ANKRD17: variants seen among roughly 807,000 people sequenced by gnomAD.
ANKRD17 encodes the protein ankyrin repeat domain 17, also known as ankyrin repeat domain-containing protein 17.
ANKRD17 carries 19 observed loss-of-function variants against 229.7 expected under a neutral mutation model. The observed-to-expected ratio is 0.08, with a 90% CI of 0.06 to 0.12. ANKRD17 has a LOEUF of 0.12. Ranked by LOEUF, ANKRD17 falls within the 10% of genes least tolerant of loss-of-function variation. The pLI, the probability that ANKRD17 is intolerant of heterozygous loss-of-function variation, is 1.00. For synonymous variants in ANKRD17, 1,112 were observed against 1,146.1 expected, an observed-to-expected ratio of 0.97 and a Z score of 0.60; for missense variants, 2,176 against 3,176.8, an observed-to-expected ratio of 0.68 and a Z score of 7.57.
In ANKRD17 at chr4:73,091,216, G is replaced by A. The variant is rs201864802; in HGVS notation, c.6412C>T (p.Pro2138Ser). The A allele has an allele frequency of 2.7e-5, 43 of 1,614,088 alleles. No individual in the cohort carries two copies. Among genetic ancestry groups the A allele is most frequent in the Non-Finnish European group, 3.6e-5 (43 of 1,180,038 alleles). The change falls in exon 29 of 34, where the codon CCT becomes TCT. Residue 2138 changes from proline to serine, a missense_variant. Coordinates refer to ENST00000358602, the MANE Select transcript of ANKRD17 (RefSeq NM_032217.5). ...GGAGCAGAACTTGTTGCTAAAGGAGGAACAGTCATTCTAACTTCCGGGGGA... is the reference window on the plus strand; with the variant it reads ...GGAGCAGAACTTGTTGCTAAAGGAGAAACAGTCATTCTAACTTCCGGGGGA... ...VPPPEVRMTV[P>S]PLATSSAPVA...
chr4:73,217,876 T>C (rs535563881), intron 1 of ANKRD17, among the ~76,000 whole-genome samples: 154 of 152,316 alleles, frequency 1.0e-3, no homozygotes, highest in Non-Finnish European at 1.9e-3. Flanking sequence ...TCTTTACATA[T>C]ACGCAAATAT....
chr4:73,211,044 A>G lies in ANKRD17; in HGVS notation c.394-33511T>C, dbSNP rs74626304. Among the ~76,000 whole-genome samples, 378 of 152,248 alleles carry G rather than the reference A, an allele frequency of 2.5e-3. 2 individuals carry two copies. Among genetic ancestry groups the G allele is most frequent in the South Asian group, 0.016 (76 of 4,816 alleles). On this transcript the variant is annotated intron_variant, in intron 1 of 33. Coordinates refer to ENST00000358602, the MANE Select transcript of ANKRD17 (RefSeq NM_032217.5). ...TTCAAATCATTTTGGGGGATGAAAT[A>G]TCTTTTACCTAAATACATAGATGAC... is the stretch of plus-strand genomic sequence containing the variant.
intron 22 of ANKRD17, 84 bp from the exon 23 acceptor site, chr4:73,116,000 G>GATT: frequency 9.0e-7 from 1 of 1,113,590 alleles, no homozygotes; most frequent in South Asian, 1.3e-5. Flanking sequence ...TAACAGTTAA[G>GATT]ATTAGGGCCA....
At chr4:73,256,017 C>T (rs866272872) in intron 1 of ANKRD17, among the ~76,000 whole-genome samples, 4 of 152,246 alleles carry the variant, frequency 2.6e-5, no homozygotes, top group East Asian at 1.9e-4. Context: ...TGAGCTACCA[C>T]GCCCGGCCAA....
chr4:73,184,851 T>C (rs1736083385), intron 1 of ANKRD17, among the ~76,000 whole-genome samples: 1 of 152,164 alleles, frequency 6.6e-6, no homozygotes, highest in African/African-American at 2.4e-5. Context: ...GCAATGATGC[T>C]TCAGGAAGAT....
At chr4:73,131,030 G>T (rs1728130223) in intron 16 of ANKRD17, among the ~76,000 whole-genome samples, 1 of 151,968 alleles carries the variant, frequency 6.6e-6, no homozygotes, top group Non-Finnish European at 1.5e-5. Context: ...TAAACACAAA[G>T]GTCAGAGCAA....
At chr4:73,156,471 C>T (rs549424793) in intron 3 of ANKRD17, among the ~76,000 whole-genome samples, 5 of 152,214 alleles carry the variant, frequency 3.3e-5, no homozygotes, top group African/African-American at 1.2e-4. Flanking sequence ...TGTCCCCACC[C>T]AAATCTCATG....
At chr4:73,168,590 C>A (rs1733550063) in intron 2 of ANKRD17, among the ~76,000 whole-genome samples, 1 of 152,148 alleles carries the variant, frequency 6.6e-6, no homozygotes, top group Non-Finnish European at 1.5e-5. Context: ...TATATATTGT[C>A]AATTCTCATT....
chr4:73,121,786 T>G, intron 18 of ANKRD17, 27 bp from the exon 19 acceptor site: 3 of 1,568,500 alleles, frequency 1.9e-6, no homozygotes, highest in Non-Finnish European at 2.6e-6. Context: ...AAAAAATATG[T>G]TTTCTTATGG....
At position 73,258,500 on chromosome 4, in the gene ANKRD17, C is replaced by T; in HGVS notation, c.169G>A (p.Val57Ile). ...TTCTTCTTCAGGAGCAGGTCGCAGA[C>T]TCGCACCATCCCACGAGGAGACGAG... ...SASSPRGMVR[V>I]CDLLLKKKPP... Residue 57 changes from valine (V) to isoleucine (I), a missense_variant, in exon 1 of 34, where the codon GTC (valine) becomes ATC (isoleucine). By Grantham distance (29) the Val-to-Ile change is conservative (BLOSUM62 3). Around this residue, in one of 18 missense-constraint regions of ANKRD17, gnomAD observed 196 missense variants for 190.0 expected, o/e 1.03. Transcript: ENST00000358602. 1.3e-6 allele frequency: 2 copies of T among 1,561,964 alleles called. No individual in the cohort carries two copies. The highest frequency in any genetic ancestry group is 1.7e-6 in the Non-Finnish European group (2 of 1,155,866).
chr4:73,183,854 G>A (rs750303275), intron 1 of ANKRD17, among the ~76,000 whole-genome samples: 18 of 152,128 alleles, frequency 1.2e-4, no homozygotes, highest in Non-Finnish European at 2.4e-4. Context: ...ACATTTCACT[G>A]TAGAAGTTGC....
At chr4:73,101,664 CAAAAAAAA>C (rs71215484) in intron 25 of ANKRD17, among the ~76,000 whole-genome samples, 1 of 111,484 alleles carries the variant, frequency 9.0e-6, no homozygotes, top group Non-Finnish European at 1.7e-5. Context: ...GACTCGGTCT[CAAAAAAAA>C]AAAAAAAAAG....
At chr4:73,145,285 G>T (rs1005431686) in intron 10 of ANKRD17, among the ~76,000 whole-genome samples, 1 of 152,070 alleles carries the variant, frequency 6.6e-6, no homozygotes, top group Non-Finnish European at 1.5e-5. Flanking sequence ...ATGAATTTTA[G>T]TAAGTACATC....
chr4:73,090,637 G>T (rs774101074), intron 29 of ANKRD17, 30 bp downstream of exon 29: 1 of 1,612,920 alleles, frequency 6.2e-7, no homozygotes, highest in Non-Finnish European at 8.5e-7. Context: ...CAAATGAACA[G>T]CTGCAGAATC....
At chr4:73,223,400 G>C (rs1240204178) in intron 1 of ANKRD17, among the ~76,000 whole-genome samples, 4 of 152,182 alleles carry the variant, frequency 2.6e-5, no homozygotes, top group African/African-American at 9.7e-5. Flanking sequence ...GGGTTACGCA[G>C]CAATTTATCC....
chr4:73,256,985 TTC>T (rs1371593370), intron 1 of ANKRD17, among the ~76,000 whole-genome samples: 3 of 152,252 alleles, frequency 2.0e-5, no homozygotes, highest in Non-Finnish European at 4.4e-5. Flanking sequence ...TAAAAGGTAC[TTC>T]TCTATTTCAA....
At chr4:73,090,530 A>G in intron 29 of ANKRD17, 137 bp downstream of exon 29, 2 of 1,072,634 alleles carry the variant, frequency 1.9e-6, no homozygotes, top group Non-Finnish European at 2.7e-6. Context: ...AAACACAAAC[A>G]ACAGCATCTG....
At chr4:73,256,826 A>C in intron 1 of ANKRD17, among the ~76,000 whole-genome samples, 1 of 152,244 alleles carries the variant, frequency 6.6e-6, no homozygotes, top group Non-Finnish European at 1.5e-5. Context: ...TATTCTCAGA[A>C]TCCAACAGGC....
chr4:73,213,510 ACACTGTATTTCT>A (rs959826644), intron 1 of ANKRD17, among the ~76,000 whole-genome samples: 1 of 152,216 alleles, frequency 6.6e-6, no homozygotes, highest in Non-Finnish European at 1.5e-5. Flanking sequence ...ACTGAACCTA[ACACTGTATTTCT>A]CACCTCAAGC....
Sources: allele counts gnomAD v4.1 joint callset (sites outside exome capture counted in the v4.1 genomes callset), GRCh38; gene constraint gnomAD v4.1.1; regional missense constraint gnomAD v4.1.1; transcripts MANE v1.5; gene names NCBI Gene and HGNC (gene_info 2026-07-23, HGNC 2026-07-21).